ZNF385D: variants seen among roughly 807,000 people sequenced by gnomAD.
The protein encoded by ZNF385D is zinc finger protein 659.
A neutral mutation model predicts 35.8 loss-of-function variants in ZNF385D; 15 were observed. The observed-to-expected ratio is 0.42, with a 90% CI of 0.28 to 0.64. The LOEUF (loss-of-function observed/expected upper bound fraction) is 0.64. Among genes scored for constraint, ZNF385D ranks in the 30% least tolerant of loss-of-function variants. ZNF385D has a pLI of 0.23. For synonymous variants in ZNF385D, 212 were observed against 186.8 expected, an observed-to-expected ratio of 1.13 and a Z score of -1.10; for missense variants, 474 against 494.6, an observed-to-expected ratio of 0.96 and a Z score of 0.39.
chr3:21,732,818 A>G (rs902931203), intron 1 of ZNF385D, among the ~76,000 whole-genome samples: 11 of 152,080 alleles, frequency 7.2e-5, no homozygotes, highest in African/African-American at 2.7e-4. Context: ...TTTTTTTGCA[A>G]ACATTTTCTC....
intron 3 of ZNF385D, among the ~76,000 whole-genome samples, chr3:21,776,457 G>A (rs1038663441): frequency 6.6e-6 from 1 of 151,912 alleles, no homozygotes; most frequent in Non-Finnish European, 1.5e-5. Context: ...AAAGAACGAC[G>A]TATGTGTGTG....
At chr3:21,728,249 C>T (rs1162926805) in intron 1 of ZNF385D, among the ~76,000 whole-genome samples, 1 of 150,676 alleles carries the variant, frequency 6.6e-6, no homozygotes, top group Non-Finnish European at 1.5e-5. Context: ...CAAAACTGCA[C>T]GTTCTGCCCA....
At chr3:21,497,134 C>T (rs972925457) in intron 4 of ZNF385D, among the ~76,000 whole-genome samples, 3 of 152,186 alleles carry the variant, frequency 2.0e-5, no homozygotes, top group South Asian at 4.1e-4. Context: ...ATGATATGAT[C>T]CTGTATCTAG....
intron 3 of ZNF385D, among the ~76,000 whole-genome samples, chr3:22,039,158 C>G (rs1172552139): frequency 6.6e-6 from 1 of 150,402 alleles, no homozygotes; most frequent in African/African-American, 2.4e-5. Flanking sequence ...TAGCAAAAAA[C>G]CTCTAAGGAT....
intron 2 of ZNF385D, among the ~76,000 whole-genome samples, chr3:22,245,592 A>T (rs1699733600): frequency 6.6e-6 from 1 of 152,034 alleles, no homozygotes; most frequent in African/African-American, 2.4e-5. Flanking sequence ...AAAGCATTTT[A>T]ATTTTAAAAT....
intron 7 of ZNF385D, among the ~76,000 whole-genome samples, chr3:21,422,613 C>T (rs1026064927): frequency 3.9e-5 from 6 of 152,152 alleles, no homozygotes; most frequent in Non-Finnish European, 8.8e-5. Flanking sequence ...AAACCAAATC[C>T]AGCAGCACAT....
chr3:22,252,337 C>A (rs1416033889), intron 2 of ZNF385D, among the ~76,000 whole-genome samples: 1 of 151,858 alleles, frequency 6.6e-6, no homozygotes, highest in East Asian at 1.9e-4. Context: ...GTCTTTTAAT[C>A]AGAAAAGAGT....
Position 21,690,165 on chromosome 3 carries a change from A to G in ZNF385D, c.23-25137T>C, listed in dbSNP as rs903653315. On this transcript the variant is annotated intron_variant, in intron 1 of 7. Transcript: ENST00000281523. ...CTCACTAAATAAATATAATTTTAAT[A>G]TGAAATAAATCTGTATATGTTTGTG... 2.6e-5 allele frequency among the ~76,000 whole-genome samples: 4 copies of G among 152,206 alleles called. No homozygotes were observed. The East Asian group carries it at 7.7e-4, about 29-fold the overall frequency.
intron 3 of ZNF385D, among the ~76,000 whole-genome samples, chr3:21,973,366 A>C (rs1012062061): frequency 4.6e-5 from 7 of 152,000 alleles, no homozygotes; most frequent in Admixed American, 1.3e-4. Flanking sequence ...ACATTTTAAC[A>C]TTCCTTCATA....
intron 3 of ZNF385D, chr3:22,133,545 T>A (rs945452374): frequency 1.3e-5 from 2 of 152,058 alleles, no homozygotes. Context: ...AGACTGCATA[T>A]CTGGTTTGAG....
At chr3:21,775,658 T>C (rs2071258105) in intron 3 of ZNF385D, among the ~76,000 whole-genome samples, 1 of 151,908 alleles carries the variant, frequency 6.6e-6, no homozygotes, top group African/African-American at 2.4e-5. Flanking sequence ...CCTTCATAGA[T>C]GTTTGTTGTT....
chr3:21,425,386 G>A, intron 6 of ZNF385D, 106 bp downstream of exon 6: 1 of 1,175,106 alleles, frequency 8.5e-7, no homozygotes, highest in Non-Finnish European at 1.1e-6. Flanking sequence ...ATGAATAGAT[G>A]GGTGAATGGG....
intron 3 of ZNF385D, among the ~76,000 whole-genome samples, chr3:21,545,676 C>G (rs1027204196): frequency 1.3e-5 from 2 of 152,194 alleles, no homozygotes; most frequent in African/African-American, 4.8e-5. Context: ...AAGACTTTGA[C>G]TGGAAGGGTA....
intron 3 of ZNF385D, among the ~76,000 whole-genome samples, chr3:21,955,469 G>T (rs988028399): frequency 1.3e-4 from 20 of 152,038 alleles, no homozygotes; most frequent in Non-Finnish European, 2.9e-5. Flanking sequence ...ACCTAAACAG[G>T]GAGGTGATTT....
At chr3:21,738,957 T>A (rs548351215) in intron 1 of ZNF385D, among the ~76,000 whole-genome samples, 1 of 152,372 alleles carries the variant, frequency 6.6e-6, no homozygotes, top group East Asian at 1.9e-4. Flanking sequence ...TGTGGAATAA[T>A]CGACTGCTTG....
At chr3:21,442,082 CT>C (rs1559450595) in intron 4 of ZNF385D, among the ~76,000 whole-genome samples, 1 of 151,958 alleles carries the variant, frequency 6.6e-6, no homozygotes, top group Non-Finnish European at 1.5e-5. Context: ...CATTTGTGAC[CT>C]TCGTCTTGTA....
intron 3 of ZNF385D, among the ~76,000 whole-genome samples, chr3:21,888,022 A>T (rs368800733): frequency 4.1e-4 from 63 of 152,300 alleles, no homozygotes; most frequent in African/African-American, 1.5e-3. Context: ...AAAGTGATTA[A>T]ATGATTAAGA....
At chr3:21,787,989 G>C (rs1006299754) in intron 3 of ZNF385D, among the ~76,000 whole-genome samples, 8 of 117,326 alleles carry the variant, frequency 6.8e-5, no homozygotes, top group African/African-American at 2.4e-4. Context: ...AAAAGAGAGA[G>C]AGAGAGCAAT....
At chr3:22,047,831 C>A (rs978077936) in intron 3 of ZNF385D, among the ~76,000 whole-genome samples, 3 of 152,036 alleles carry the variant, frequency 2.0e-5, no homozygotes, top group African/African-American at 7.2e-5. Context: ...ATACTGTTTT[C>A]CATAATGGCT....
Sources: allele counts gnomAD v4.1 joint callset (sites outside exome capture counted in the v4.1 genomes callset), GRCh38; gene constraint gnomAD v4.1.1; transcripts MANE v1.5; gene names NCBI Gene and HGNC (gene_info 2026-07-23, HGNC 2026-07-21).